Variants in ABLIM2 observed in about 807,000 individuals in gnomAD.
ABLIM2 encodes the protein actin binding LIM protein family member 2.
In ABLIM2, 53 loss-of-function variants were observed where a neutral mutation model predicts 97.7. That is an observed-to-expected ratio of 0.54 (90% CI 0.44 to 0.68). The LOEUF is 0.68. ABLIM2 is among the 30% of genes least tolerant of loss of function. ABLIM2 has a pLI of 0.00. For missense variants in ABLIM2, 835 were observed against 867.2 expected (o/e 0.96, Z 0.47); for synonymous variants, 361 against 345.8 (o/e 1.04, Z -0.49).
intron 8 of ABLIM2, among the ~76,000 whole-genome samples, chr4:8,049,287 T>C (rs1320061): frequency 0.85 from 128,716 of 152,292 alleles, 54,723 homozygotes; most frequent in African/African-American, 0.94. Context: ...ATCAAACGCC[T>C]GAGGCGGGGG....
intron 20 of ABLIM2, among the ~76,000 whole-genome samples, chr4:7,982,681 C>T (rs975821553): frequency 1.3e-5 from 2 of 151,674 alleles, no homozygotes; most frequent in African/African-American, 2.4e-5. Context: ...TAGGAGAGAA[C>T]AGGCACCTCC....
At position 8,054,442 on chromosome 4, in the gene ABLIM2, T is replaced by C. The variant is rs1234821200; in HGVS notation, c.764-196A>G. Among the ~76,000 whole-genome samples, 1 of 152,190 alleles carries C rather than the reference T, an allele frequency of 6.6e-6. No homozygotes were observed. On this transcript the variant is annotated intron_variant, in intron 7 of 20. Coordinates refer to ENST00000447017, the MANE Select transcript of ABLIM2 (RefSeq NM_001130083.2). The surrounding 1 kb of genome is among the most constrained non-coding windows in gnomAD (Gnocchi z 4.9). ...GTACCCAGATCACAGTCCCCGCCCCTCAGGGGCTCACAGCCCAGTTGTGGG... is the reference window on the plus strand; with the variant it reads ...GTACCCAGATCACAGTCCCCGCCCCCCAGGGGCTCACAGCCCAGTTGTGGG...
rs764663946 is a variant in ABLIM2 at position 8,130,521 on chromosome 4, G to A, written c.11-23884C>T. The stretch of plus-strand genomic sequence containing the variant: ...CTTTTTAGAATATCAAGTTGTCTAA[G>A]CTTCCCCGAGACACTGTGAGGTGGC... On this transcript the variant is annotated intron_variant, in intron 1 of 20. Transcript: ENST00000447017. This position sits in a 1 kb window ranked among gnomAD's most constrained non-coding sequence, Gnocchi z 4.2. Among the ~76,000 whole-genome samples the A allele has an allele frequency of 6.6e-6, 1 of 152,100 alleles. No homozygotes were observed. The highest frequency in any genetic ancestry group is 1.5e-5 in the Non-Finnish European group (1 of 68,024).
intron 4 of ABLIM2, among the ~76,000 whole-genome samples, chr4:8,086,153 G>T (rs907781346): frequency 2.0e-5 from 3 of 152,126 alleles, no homozygotes; most frequent in African/African-American, 7.2e-5. Context: ...GGGGGAAGGG[G>T]CAGGTTACAT....
rs1824254144 is a variant in ABLIM2 at position 8,087,212 on chromosome 4, C to T, written c.454+957G>A. 6.6e-6 allele frequency among the ~76,000 whole-genome samples: 1 copy of T among 152,182 alleles called. No homozygotes were observed. Among genetic ancestry groups the T allele is most frequent in the East Asian group, 1.9e-4 (1 of 5,194 alleles). On this transcript the variant is annotated intron_variant, in intron 4 of 20. Transcript: ENST00000447017. This position sits in a 1 kb window ranked among gnomAD's most constrained non-coding sequence, Gnocchi z 4.6. ...CGGTGCTCAGAGTGGGCTTCTGCAC[C>T]AGGTGCCTGGCAGCGGCGGGGCCTG...
chr4:8,131,731 C>T (rs1428447344), intron 1 of ABLIM2, among the ~76,000 whole-genome samples: 6 of 91,400 alleles, frequency 6.6e-5, no homozygotes, highest in Admixed American at 5.2e-4. Context: ...CACAGCAGCC[C>T]GCATCCCCAG....
In ABLIM2 at chr4:8,123,957, G is replaced by A. The variant is rs564198519; in HGVS notation, c.11-17320C>T. Among the ~76,000 whole-genome samples the A allele has an allele frequency of 9.2e-5, 14 of 152,314 alleles. No individual in the cohort carries two copies. Among genetic ancestry groups the A allele is most frequent in the African/African-American group, 3.1e-4 (13 of 41,572 alleles). ...ACCTAAGGAATGCTACTCATGGCTAGAAACCCAAACAGTACATCAAAGATG... is the reference window on the plus strand; with the variant it reads ...ACCTAAGGAATGCTACTCATGGCTAAAAACCCAAACAGTACATCAAAGATG... On this transcript the variant is annotated intron_variant, in intron 1 of 20. Transcript: ENST00000447017. This position sits in a 1 kb window ranked among gnomAD's most constrained non-coding sequence, Gnocchi z 6.2.
In ABLIM2 at chr4:8,072,319, A is replaced by AG. The variant is rs147250412; in HGVS notation, c.675+5308dup. Among the ~76,000 whole-genome samples the AG allele has an allele frequency of 6.6e-5, 10 of 152,006 alleles. No individual in the cohort carries two copies. Among genetic ancestry groups the AG allele is most frequent in the Middle Eastern group, 3.2e-3 (1 of 316 alleles). On this transcript the variant is annotated intron_variant, in intron 6 of 20. Coordinates refer to ENST00000447017, the MANE Select transcript of ABLIM2 (RefSeq NM_001130083.2). The surrounding 1 kb of genome is among the most constrained non-coding windows in gnomAD (Gnocchi z 5.8). ...GCTTGCCTCCCAATCCATCAAGGGGAGGGGGGGCTGCCTGATGAAACCCAC... is the reference window on the plus strand; with the variant it reads ...GCTTGCCTCCCAATCCATCAAGGGGAGGGGGGGGCTGCCTGATGAAACCCAC...
rs111927648 is a variant in ABLIM2, at chr4:8,021,383, G to A, written c.1268-1080C>T. ...GCAGGGTATTGAATGCTTGTGATGA[G>A]AGAAGGTGTACGCTCCCTGCAGAAG... On this transcript the variant is annotated intron_variant, in intron 12 of 20. Coordinates refer to ENST00000447017, the MANE Select transcript of ABLIM2 (RefSeq NM_001130083.2). The surrounding 1 kb of genome is among the most constrained non-coding windows in gnomAD (Gnocchi z 5.5). 6.6e-6 allele frequency among the ~76,000 whole-genome samples: 1 copy of A among 152,146 alleles called. No homozygotes were observed. The highest frequency in any genetic ancestry group is 1.5e-5 in the Non-Finnish European group (1 of 68,042).
intron 12 of ABLIM2, among the ~76,000 whole-genome samples, chr4:8,027,538 T>C (rs777069009): frequency 4.6e-5 from 7 of 152,218 alleles, no homozygotes; most frequent in Admixed American, 3.9e-4. Context: ...AAGCCCTCTC[T>C]CCCTTCTGTT....
Position 7,971,595 on chromosome 4 carries a change from C to T in ABLIM2, c.1825-4492G>A, listed in dbSNP as rs181297459. On this transcript the variant is annotated intron_variant, in intron 20 of 20. Coordinates refer to ENST00000447017, the MANE Select transcript of ABLIM2 (RefSeq NM_001130083.2). ...TGGGAGCCAGGTTAGGTGGCTTGAC[C>T]TTTCCTCCACCCTTACTTCCTGCCT... Among the ~76,000 whole-genome samples, 567 of 152,216 alleles carry T rather than the reference C, an allele frequency of 3.7e-3. 1 individual carries two copies. The highest frequency in any genetic ancestry group is 0.013 in the African/African-American group (548 of 41,530).
chr4:8,041,970 A>ACAG (rs1435836614), intron 9 of ABLIM2, among the ~76,000 whole-genome samples: 7 of 151,924 alleles, frequency 4.6e-5, no homozygotes, highest in Admixed American at 1.3e-4. Flanking sequence ...GGTTCCAACA[A>ACAG]CAACAGCAGC....
Position 8,033,233 on chromosome 4 carries a change from G to C in ABLIM2, c.1047+2916C>G, listed in dbSNP as rs1167894179. Reference sequence around the variant, plus strand: ...TGTTCAGTGAGGAGCATGGAGGTGGGAGGGGCCCAGAAAGAGCACAGCCCT... The same window carrying C: ...TGTTCAGTGAGGAGCATGGAGGTGGCAGGGGCCCAGAAAGAGCACAGCCCT... On this transcript the variant is annotated intron_variant, in intron 10 of 20. Transcript: ENST00000447017. The surrounding 1 kb of genome is among the most constrained non-coding windows in gnomAD (Gnocchi z 4.5). Among the ~76,000 whole-genome samples, 2 of 152,230 alleles carry C rather than the reference G, an allele frequency of 1.3e-5. No homozygotes were observed. The highest frequency in any genetic ancestry group is 1.3e-4 in the Admixed American group (2 of 15,284).
intron 7 of ABLIM2, among the ~76,000 whole-genome samples, chr4:8,059,265 CT>C (rs1032351187): frequency 2.0e-5 from 3 of 152,074 alleles, no homozygotes; most frequent in African/African-American, 7.2e-5. Flanking sequence ...TTTGCTGCCC[CT>C]GACATGCCCC....
chr4:8,145,544 C>T (rs1363744221), intron 1 of ABLIM2, among the ~76,000 whole-genome samples: 6 of 151,996 alleles, frequency 3.9e-5, no homozygotes, highest in Non-Finnish European at 7.4e-5. Flanking sequence ...TGGTGAGCGC[C>T]GGGGGTTCCT....
Position 8,147,513 on chromosome 4 carries a change from C to A in ABLIM2, c.10+11167G>T, listed in dbSNP as rs1396154290. 6.6e-6 allele frequency among the ~76,000 whole-genome samples: 1 copy of A among 152,092 alleles called. No homozygotes were observed. Among genetic ancestry groups the A allele is most frequent in the Non-Finnish European group, 1.5e-5 (1 of 68,020 alleles). ...GGGAGATGATTCTGGATGCTATGGG[C>A]GGGCTCTGAGTGCAATCTCAAGAGT... On this transcript the variant is annotated intron_variant, in intron 1 of 20. Transcript: ENST00000447017. The surrounding 1 kb of genome is among the most constrained non-coding windows in gnomAD (Gnocchi z 5.3).
At chr4:8,145,251 T>A (rs1002200591) in intron 1 of ABLIM2, among the ~76,000 whole-genome samples, 3 of 151,808 alleles carry the variant, frequency 2.0e-5, no homozygotes, top group African/African-American at 7.3e-5. Flanking sequence ...TGGCATGATC[T>A]CAGCTCACTG....
At position 7,966,772 on chromosome 4, in the gene ABLIM2, G is replaced by A. The variant is rs560284740; in HGVS notation, c.*218C>T. ...CCTCTCCCTGACACCAAGCCACAGC[G>A]GGGAAGGGTGGCGTGAAGCTAGCCG... On this transcript the variant is annotated 3_prime_UTR_variant, in exon 21 of 21. Transcript: ENST00000447017. 111 of 557,314 alleles carry A rather than the reference G, an allele frequency of 2.0e-4. No homozygotes were observed. The South Asian group carries it at 2.3e-3, about 11-fold the overall frequency. 34.5% of individuals were successfully genotyped at this position (557,314 alleles called of 1,614,324 possible).
intron 1 of ABLIM2, among the ~76,000 whole-genome samples, chr4:8,111,353 C>T (rs910294792): frequency 5.9e-5 from 9 of 152,160 alleles, no homozygotes; most frequent in African/African-American, 2.2e-4. Context: ...GAGCACAGGG[C>T]GTTTTTAGCA....
Sources: allele counts gnomAD v4.1 joint callset (sites outside exome capture counted in the v4.1 genomes callset), GRCh38; gene constraint gnomAD v4.1.1; non-coding constraint Gnocchi (gnomAD v3.1); transcripts MANE v1.5; gene names NCBI Gene and HGNC (gene_info 2026-07-23, HGNC 2026-07-21).